Variants in LRFN2 observed in about 807,000 individuals in gnomAD.
LRFN2 encodes leucine rich repeat and fibronectin type III domain containing 2.
In LRFN2, 18 loss-of-function variants were observed where a neutral mutation model predicts 37.3. That is an observed-to-expected ratio of 0.48 (90% CI 0.33 to 0.72). LRFN2 has a LOEUF of 0.72. Ranked by LOEUF, LRFN2 falls within the 30% of genes least tolerant of loss-of-function variation. LRFN2 has a pLI of 0.02. For missense variants in LRFN2, 1,006 were observed against 1,060.7 expected, an observed-to-expected ratio of 0.95 and a Z score of 0.72; for synonymous variants, 556 against 466.6, an observed-to-expected ratio of 1.19 and a Z score of -2.47.
intron 1 of LRFN2, among the ~76,000 whole-genome samples, chr6:40,505,843 G>T (rs1765518489): frequency 6.6e-6 from 1 of 152,228 alleles, no homozygotes; most frequent in Admixed American, 6.5e-5. Context: ...GGTCTCCTCA[G>T]CTTGGCTGGC....
At chr6:40,526,593 ACT>A (rs1440191417) in intron 1 of LRFN2, among the ~76,000 whole-genome samples, 2 of 151,700 alleles carry the variant, frequency 1.3e-5, no homozygotes, top group African/African-American at 4.8e-5. Context: ...TCTGACTCCC[ACT>A]CTCTGTCCAC....
intron 1 of LRFN2, among the ~76,000 whole-genome samples, chr6:40,562,831 T>A (rs867214060): frequency 0.013 from 1,885 of 144,142 alleles, 11 homozygotes; most frequent in African/African-American, 0.026. Context: ...GTGCGTGCAC[T>A]CACTCACACA....
intron 1 of LRFN2, among the ~76,000 whole-genome samples, chr6:40,539,718 G>A (rs1485966018): frequency 6.6e-6 from 1 of 152,190 alleles, no homozygotes; most frequent in Non-Finnish European, 1.5e-5. Context: ...AAGACAACTG[G>A]TTGGTTTATA....
intron 1 of LRFN2, among the ~76,000 whole-genome samples, chr6:40,510,118 C>T (rs540319458): frequency 7.6e-4 from 115 of 151,042 alleles, no homozygotes; most frequent in African/African-American, 2.6e-3. Flanking sequence ...GGGATGAGTG[C>T]GTGCATGCGG....
intron 1 of LRFN2, among the ~76,000 whole-genome samples, chr6:40,528,689 C>T (rs553579200): frequency 6.6e-6 from 1 of 152,330 alleles, no homozygotes; most frequent in South Asian, 2.1e-4. Context: ...ATCACTAGAT[C>T]ATAAGTCTAG....
At chr6:40,430,105 G>T (rs1205117903) in intron 2 of LRFN2, among the ~76,000 whole-genome samples, 3 of 152,048 alleles carry the variant, frequency 2.0e-5, no homozygotes, top group African/African-American at 7.3e-5. Flanking sequence ...TTGACTATAT[G>T]CCCCTATCTA....
intron 1 of LRFN2, among the ~76,000 whole-genome samples, chr6:40,527,082 GTGATAT>G (rs1046217484): frequency 2.0e-5 from 3 of 152,270 alleles, no homozygotes; most frequent in African/African-American, 7.2e-5. Context: ...TGTGAGACCA[GTGATAT>G]CGAATAGCAG....
chr6:40,457,977 T>A (rs1052174099), intron 1 of LRFN2, among the ~76,000 whole-genome samples: 4 of 152,200 alleles, frequency 2.6e-5, no homozygotes, highest in African/African-American at 9.6e-5. Context: ...GAAGCTATCA[T>A]TAGCCTGGAT....
At chr6:40,582,370 T>C (rs1436482789) in intron 1 of LRFN2, among the ~76,000 whole-genome samples, 2 of 151,710 alleles carry the variant, frequency 1.3e-5, no homozygotes, top group Non-Finnish European at 2.9e-5. Flanking sequence ...CAATCTCGTA[T>C]GTTTTTGGGG....
chr6:40,494,775 C>T (rs566633933), intron 1 of LRFN2, among the ~76,000 whole-genome samples: 1 of 152,174 alleles, frequency 6.6e-6, no homozygotes, highest in Non-Finnish European at 1.5e-5. Flanking sequence ...CTATCTCACT[C>T]TCTACTCCTA....
At chr6:40,412,249 C>G (rs1162089657) in intron 2 of LRFN2, among the ~76,000 whole-genome samples, 2 of 152,172 alleles carry the variant, frequency 1.3e-5, no homozygotes, top group African/African-American at 4.8e-5. Flanking sequence ...CCACTCCACA[C>G]CTTACAAATT....
intron 1 of LRFN2, chr6:40,516,317 G>A (rs1458235822): frequency 6.6e-6 from 1 of 152,230 alleles, no homozygotes; most frequent in Non-Finnish European, 1.5e-5. Flanking sequence ...CCCAACAGAT[G>A]CCAAATAAAC....
chr6:40,393,290 G>T (rs747979649), intron 2 of LRFN2, among the ~76,000 whole-genome samples: 1 of 152,030 alleles, frequency 6.6e-6, no homozygotes, highest in African/African-American at 2.4e-5. Flanking sequence ...GAGCATCAGG[G>T]AGAGGTATAG....
intron 1 of LRFN2, among the ~76,000 whole-genome samples, chr6:40,579,278 C>T (rs1767347838): frequency 6.6e-6 from 1 of 152,184 alleles, no homozygotes; most frequent in Non-Finnish European, 1.5e-5. Flanking sequence ...AGCCTCAGCT[C>T]CCCTTCTTCC....
chr6:40,466,945 C>T (rs1402773370), intron 1 of LRFN2, among the ~76,000 whole-genome samples: 1 of 151,980 alleles, frequency 6.6e-6, no homozygotes, highest in Non-Finnish European at 1.5e-5. Context: ...TGGACATGGA[C>T]ACACACAGAG....
intron 1 of LRFN2, among the ~76,000 whole-genome samples, chr6:40,562,378 C>T (rs1255791930): frequency 6.6e-6 from 1 of 151,836 alleles, no homozygotes; most frequent in Non-Finnish European, 1.5e-5. Context: ...TAGAAGGCTT[C>T]CTGGGGTTGG....
chr6:40,410,467 T>C (rs1561842831), intron 2 of LRFN2, among the ~76,000 whole-genome samples: 1 of 152,172 alleles, frequency 6.6e-6, no homozygotes. Context: ...CTCCACAATT[T>C]ATTGACTATA....
chr6:40,465,565 G>A (rs77709798), intron 1 of LRFN2, among the ~76,000 whole-genome samples: 3,673 of 152,184 alleles, frequency 0.024, 92 homozygotes, highest in East Asian at 0.084. Flanking sequence ...TTACTTCTGG[G>A]AAAATCCAAC....
chr6:40,526,618 G>T (rs1341500070), intron 1 of LRFN2, among the ~76,000 whole-genome samples: 1 of 152,106 alleles, frequency 6.6e-6, no homozygotes, highest in Non-Finnish European at 1.5e-5. Context: ...TGAGGGCTAG[G>T]CCAGCTCTTC....
Sources: gnomAD v4.1 joint callset for allele counts (sites outside exome capture counted in the v4.1 genomes callset) on GRCh38, gnomAD v4.1.1 for gene constraint, MANE v1.5 for transcripts, NCBI Gene and HGNC (gene_info 2026-07-23, HGNC 2026-07-21) for gene names.